Variants in DCUN1D1 observed in about 807,000 individuals in gnomAD.
DCUN1D1 encodes DCN1-like protein 1.
A neutral mutation model predicts 39.0 loss-of-function variants in DCUN1D1; 3 were observed. The ratio of observed to expected loss-of-function variants is 0.08; its 90% CI spans 0.04 to 0.20. The LOEUF (loss-of-function observed/expected upper bound fraction) is 0.20. Ranked by LOEUF, DCUN1D1 falls within the 10% of genes least tolerant of loss-of-function variation. DCUN1D1 has a pLI of 1.00. For synonymous variants in DCUN1D1, 82 were observed against 96.3 expected (o/e 0.85, Z 0.87); for missense variants, 158 against 302.4 (o/e 0.52, Z 3.54).
chr3:182,985,097 G>A (rs1023890726), upstream of DCUN1D1, among the ~76,000 whole-genome samples: 3 of 152,182 alleles, frequency 2.0e-5, no homozygotes, highest in Admixed American at 1.3e-4. Flanking sequence ...ATGGCATTTA[G>A]ATCTTATGAA....
intron 4 of DCUN1D1, among the ~76,000 whole-genome samples, chr3:182,959,260 C>T (rs973135089): frequency 2.6e-5 from 4 of 152,172 alleles, no homozygotes; most frequent in East Asian, 3.9e-4. Flanking sequence ...TTGAGAATTT[C>T]GCTTTACAAA....
At chr3:182,951,169 G>A (rs1397085747) in intron 4 of DCUN1D1, among the ~76,000 whole-genome samples, 1 of 151,972 alleles carries the variant, frequency 6.6e-6, no homozygotes, top group East Asian at 1.9e-4. Context: ...TCTGGCTTAA[G>A]TGCCAAAAAT....
At chr3:182,980,148 C>A in intron 1 of DCUN1D1, 1 of 778,602 alleles carries the variant, frequency 1.3e-6, no homozygotes, top group Non-Finnish European at 1.6e-6. Context: ...GGCCGTTGCC[C>A]CCTCCCCTCC....
rs571010237 is a variant in DCUN1D1 at position 182,942,255 on chromosome 3, A to C, written c.*2839T>G. On this transcript the variant is annotated 3_prime_UTR_variant, in exon 7 of 7. Transcript: ENST00000292782. ...AGACTTGGCATGTCTTTTCTCCCCA[A>C]AACATGCCATTACAATGCTCTTTCC... is the stretch of plus-strand genomic sequence containing the variant. 8.5e-5 allele frequency: 13 copies of C among 152,236 alleles called. No individual in the cohort carries two copies. The South Asian group carries it at 1.4e-3, about 17-fold the overall frequency. 9.4% of individuals were successfully genotyped at this position (152,236 alleles called of 1,614,324 possible). A position where few individuals can be genotyped will look rare whatever the true frequency, so the allele number is the denominator to read the frequency against.
chr3:182,972,990 G>A (rs752490132), intron 1 of DCUN1D1, among the ~76,000 whole-genome samples: 39 of 152,090 alleles, frequency 2.6e-4, no homozygotes, highest in Non-Finnish European at 5.0e-4. Flanking sequence ...TGTGGTGAGC[G>A]GAGATCACAC....
intron 4 of DCUN1D1, among the ~76,000 whole-genome samples, chr3:182,957,685 A>G (rs1727149667): frequency 6.6e-6 from 1 of 152,050 alleles, no homozygotes; most frequent in Admixed American, 6.5e-5. Flanking sequence ...CAACAGAGGA[A>G]GCACCCTATC....
At chr3:182,966,117 G>A (rs1484527644) in intron 1 of DCUN1D1, among the ~76,000 whole-genome samples, 1 of 151,990 alleles carries the variant, frequency 6.6e-6, no homozygotes, top group Non-Finnish European at 1.5e-5. Context: ...GCAGACACGG[G>A]GAAGAAGGTG....
At chr3:182,977,216 C>T (rs1171530595) in intron 1 of DCUN1D1, among the ~76,000 whole-genome samples, 1 of 152,178 alleles carries the variant, frequency 6.6e-6, no homozygotes, top group East Asian at 1.9e-4. Context: ...AACCAACAAT[C>T]CTGCAAACCT....
chr3:182,946,334 G>A (rs1726398734), intron 6 of DCUN1D1, among the ~76,000 whole-genome samples: 1 of 152,124 alleles, frequency 6.6e-6, no homozygotes, highest in South Asian at 2.1e-4. Flanking sequence ...GAGGCGGGTG[G>A]ATGACAAGGT....
In DCUN1D1 at chr3:182,939,808, CAATGGGTG is replaced by C. The variant is rs1288857032; in HGVS notation, c.*5278_*5285del. On this transcript the variant is annotated 3_prime_UTR_variant, in exon 7 of 7. Coordinates refer to ENST00000292782, the MANE Select transcript of DCUN1D1 (RefSeq NM_020640.4). ...CTAAAAACAATTAATTGTACATGTA[CAATGGGTG>C]AATTTTACAGTGTGTAAATTATACA... The C allele has an allele frequency of 6.6e-6, 1 of 152,214 alleles. No homozygotes were observed. The highest frequency in any genetic ancestry group is 1.5e-5 in the Non-Finnish European group (1 of 67,998). 9.4% of individuals were successfully genotyped at this position (152,214 alleles called of 1,614,324 possible).
chr3:182,963,195 A>C (rs937892401), intron 3 of DCUN1D1, among the ~76,000 whole-genome samples: 1 of 152,190 alleles, frequency 6.6e-6, no homozygotes, highest in Non-Finnish European at 1.5e-5. Flanking sequence ...CAATTTCTTC[A>C]TCTCTAAAAT....
At chr3:182,983,591 C>T (rs941332761), upstream of DCUN1D1, among the ~76,000 whole-genome samples, 3 of 152,124 alleles carry the variant, frequency 2.0e-5, no homozygotes, top group Admixed American at 6.5e-5. Flanking sequence ...CCTGCAATCC[C>T]AGCTAGTCCG....
chr3:182,955,792 G>C, intron 4 of DCUN1D1: 1 of 277,248 alleles, frequency 3.6e-6, no homozygotes, highest in Non-Finnish European at 7.2e-6. Flanking sequence ...TGTTGGTCAG[G>C]CTGGTCTCCA....
At chr3:182,972,656 A>C (rs1442737259) in intron 1 of DCUN1D1, among the ~76,000 whole-genome samples, 1 of 152,044 alleles carries the variant, frequency 6.6e-6, no homozygotes, top group East Asian at 1.9e-4. Context: ...CAGGAGGGTC[A>C]CTTGAGTCCA....
chr3:182,981,802 G>A (rs575462134), upstream of DCUN1D1, among the ~76,000 whole-genome samples: 3 of 152,310 alleles, frequency 2.0e-5, no homozygotes, highest in South Asian at 4.1e-4. Flanking sequence ...TACTGGGAGC[G>A]CCCAGCGCTG....
intron 4 of DCUN1D1, among the ~76,000 whole-genome samples, chr3:182,958,850 A>C (rs1727230558): frequency 6.6e-6 from 1 of 152,194 alleles, no homozygotes; most frequent in Non-Finnish European, 1.5e-5. Context: ...CACAAGTAAT[A>C]AAAACTAAGA....
rs1288335729 is a variant in DCUN1D1 at position 182,943,815 on chromosome 3, C to T, written c.*1279G>A. The stretch of plus-strand genomic sequence containing the variant: ...GGGCTTGTAATGAAAAAAATACATA[C>T]AAGATAGCATTCTGCTTTGATGAGA... On this transcript the variant is annotated 3_prime_UTR_variant, in exon 7 of 7. Coordinates refer to ENST00000292782, the MANE Select transcript of DCUN1D1 (RefSeq NM_020640.4). The T allele has an allele frequency of 1.3e-5, 2 of 152,496 alleles. No individual in the cohort carries two copies. The highest frequency in any genetic ancestry group is 4.8e-5 in the African/African-American group (2 of 41,396). 9.4% of individuals were successfully genotyped at this position (152,496 alleles called of 1,614,324 possible). A position where few individuals can be genotyped will look rare whatever the true frequency, so the allele number is the denominator to read the frequency against.
At chr3:182,973,719 A>G (rs141645489) in intron 1 of DCUN1D1, among the ~76,000 whole-genome samples, 178 of 151,780 alleles carry the variant, frequency 1.2e-3, no homozygotes, top group Non-Finnish European at 1.8e-3. Context: ...AGGCAGGAGA[A>G]TCACCTGAAC....
In DCUN1D1 at chr3:182,944,474, G is replaced by C. The variant is rs1477399688; in HGVS notation, c.*620C>G. On this transcript the variant is annotated 3_prime_UTR_variant, in exon 7 of 7. Transcript: ENST00000292782. ...AATACATTTTTCAGGTAGGCACCAA[G>C]TTATCCTAAAAAATTTTCATGTCGG... 6.6e-6 allele frequency: 1 copy of C among 151,980 alleles called. No individual in the cohort carries two copies. Among genetic ancestry groups the C allele is most frequent in the African/African-American group, 2.4e-5 (1 of 41,282 alleles). 9.4% of individuals were successfully genotyped at this position (151,980 alleles called of 1,614,324 possible).
Sources: gnomAD v4.1 joint callset for allele counts (sites outside exome capture counted in the v4.1 genomes callset) on GRCh38, gnomAD v4.1.1 for gene constraint, MANE v1.5 for transcripts, NCBI Gene and HGNC (gene_info 2026-07-23, HGNC 2026-07-21) for gene names.